CACNA1D: variants seen among roughly 807,000 people sequenced by gnomAD.
CACNA1D encodes the protein voltage-dependent L-type calcium channel subunit alpha-1D.
CACNA1D carries 55 observed loss-of-function variants against 257.1 expected under a neutral mutation model. That is an observed-to-expected ratio of 0.21 (90% CI 0.17 to 0.27). The LOEUF is 0.27. CACNA1D is among the 10% of genes least tolerant of loss of function. CACNA1D has a pLI of 1.00. For missense variants in CACNA1D, 1,876 were observed against 2,784.0 expected (o/e 0.67, Z 7.34); for synonymous variants, 980 against 1,014.9 (o/e 0.97, Z 0.65).
At chr3:53,711,462 T>A (rs1229328726) in intron 9 of CACNA1D, among the ~76,000 whole-genome samples, 1 of 152,224 alleles carries the variant, frequency 6.6e-6, no homozygotes, top group East Asian at 1.9e-4. Flanking sequence ...TGCCTTGCTC[T>A]GCCCAAGTCA....
intron 20 of CACNA1D, among the ~76,000 whole-genome samples, chr3:53,739,873 A>G (rs2095098244): frequency 6.6e-6 from 1 of 152,252 alleles, no homozygotes; most frequent in East Asian, 1.9e-4. Context: ...GCTCAGATGG[A>G]GGGCAACATA....
In CACNA1D at chr3:53,795,774, G is replaced by A. The variant is rs146204553; in HGVS notation, c.4924-4475G>A. Among the ~76,000 whole-genome samples the A allele has an allele frequency of 1.1e-3, 170 of 152,274 alleles. 2 individuals carry two copies. The highest frequency in any genetic ancestry group is 1.7e-3 in the Non-Finnish European group (118 of 68,018). On this transcript the variant is annotated intron_variant, in intron 40 of 47. Transcript: ENST00000350061. ...CCAAGAATCAAGGTGGAACTGAAAC[G>A]GAGAGCTCTCAGATTGTGTGCAGGC...
chr3:53,680,538 G>T (rs2094420231), intron 8 of CACNA1D, among the ~76,000 whole-genome samples: 1 of 152,030 alleles, frequency 6.6e-6, no homozygotes. Flanking sequence ...GGTTGTTGAG[G>T]GTATTAGTGT....
chr3:53,737,036 C>T (rs370083770), intron 20 of CACNA1D, among the ~76,000 whole-genome samples: 3 of 152,094 alleles, frequency 2.0e-5, no homozygotes, highest in East Asian at 1.9e-4. Flanking sequence ...CGTGGTGGCT[C>T]ACCTGTAATC....
intron 3 of CACNA1D, among the ~76,000 whole-genome samples, chr3:53,634,958 G>GACGGAGCCC (rs2093864861): frequency 6.6e-6 from 1 of 152,166 alleles, no homozygotes; most frequent in Admixed American, 6.5e-5. Context: ...GCTCTTCACT[G>GACGGAGCCC]TCTCAAGAAA....
chr3:53,751,174 G>A lies in CACNA1D; in HGVS notation c.3517-575G>A, dbSNP rs1321847496. Among the ~76,000 whole-genome samples, 1 of 152,240 alleles carries A rather than the reference G, an allele frequency of 6.6e-6. No homozygotes were observed. Among genetic ancestry groups the A allele is most frequent in the Non-Finnish European group, 1.5e-5 (1 of 68,048 alleles). ...ATGTGGATAGCTCCCCATAAGATGT[G>A]TATTGTTAACACACTCTGGCTCCTG... On this transcript the variant is annotated intron_variant, in intron 27 of 47. Coordinates refer to ENST00000350061, the MANE Select transcript of CACNA1D (RefSeq NM_001128840.3). The surrounding 1 kb of genome is among the most constrained non-coding windows in gnomAD (Gnocchi z 4.3).
chr3:53,618,643 G>T (rs1261155969), intron 3 of CACNA1D, among the ~76,000 whole-genome samples: 1 of 152,186 alleles, frequency 6.6e-6, no homozygotes, highest in African/African-American at 2.4e-5. Context: ...TCTAGGCATA[G>T]CACTGCACTT....
chr3:53,619,319 GA>G (rs1313757456), intron 3 of CACNA1D, among the ~76,000 whole-genome samples: 1 of 152,190 alleles, frequency 6.6e-6, no homozygotes, highest in Non-Finnish European at 1.5e-5. Context: ...ATTAGTCATG[GA>G]AAAATCCCCA....
intron 12 of CACNA1D, among the ~76,000 whole-genome samples, 190 bp downstream of exon 12, chr3:53,722,664 A>G (rs1231499732): frequency 6.6e-6 from 1 of 152,210 alleles, no homozygotes; most frequent in Non-Finnish European, 1.5e-5. Context: ...GTGGTGAAGC[A>G]CCTTGGAGCC....
chr3:53,757,631 C>T (rs565379163), intron 29 of CACNA1D, among the ~76,000 whole-genome samples: 22 of 152,328 alleles, frequency 1.4e-4, no homozygotes, highest in Admixed American at 4.6e-4. Flanking sequence ...TTTTCTTAGT[C>T]GAATATTCAA....
intron 20 of CACNA1D, among the ~76,000 whole-genome samples, chr3:53,737,684 G>T (rs1027362694): frequency 1.3e-5 from 2 of 152,200 alleles, no homozygotes; most frequent in Non-Finnish European, 2.9e-5. Context: ...TTAGCTGGGT[G>T]TGGTGGTCTG....
intron 3 of CACNA1D, among the ~76,000 whole-genome samples, chr3:53,569,178 C>T (rs2092900746): frequency 6.6e-6 from 1 of 152,182 alleles, no homozygotes; most frequent in Non-Finnish European, 1.5e-5. Context: ...TTTCTATCAG[C>T]ACTCGCTCCC....
intron 7 of CACNA1D, among the ~76,000 whole-genome samples, chr3:53,669,505 T>TA (rs1478555989): frequency 3.9e-5 from 6 of 152,276 alleles, no homozygotes; most frequent in Non-Finnish European, 5.9e-5. Context: ...TTTAGGCACT[T>TA]ACATATGGTG....
chr3:53,806,191 C>G (rs2095565069), intron 45 of CACNA1D, among the ~76,000 whole-genome samples: 1 of 130,862 alleles, frequency 7.6e-6, no homozygotes, highest in East Asian at 2.5e-4. Context: ...CCTCCTCCCT[C>G]CTCCCTCCTC....
rs761981821 is a variant in CACNA1D at position 53,793,639 on chromosome 3, T to C, written c.4924-6610T>C. 3.9e-5 allele frequency among the ~76,000 whole-genome samples: 6 copies of C among 152,170 alleles called. No homozygotes were observed. The highest frequency in any genetic ancestry group is 7.3e-5 in the Non-Finnish European group (5 of 68,030). On this transcript the variant is annotated intron_variant, in intron 40 of 47. Transcript: ENST00000350061. The surrounding 1 kb of genome is among the most constrained non-coding windows in gnomAD (Gnocchi z 4.1). ...TGATTTAAATGGAACAAGAGAGTCT[T>C]CTCCACTTGGGCCTGGCTGTGTTGC...
chr3:53,740,595 TAA>T (rs1280695543), intron 21 of CACNA1D: 1 of 441,278 alleles, frequency 2.3e-6, no homozygotes, highest in Admixed American at 4.4e-5. Flanking sequence ...GTGGTTGAGC[TAA>T]GTTTTTTTTT....
chr3:53,800,290 G>C lies in CACNA1D; in HGVS notation c.4965G>C (p.Arg1655=). The C allele has an allele frequency of 6.2e-7, 1 of 1,614,178 alleles. No homozygotes were observed. The highest frequency in any genetic ancestry group is 8.5e-7 in the Non-Finnish European group (1 of 1,179,990). Residue 1655 remains arginine (R), a synonymous_variant, in exon 41 of 48, where the codon CGG becomes CGC. Transcript: ENST00000350061. This position sits in a 1 kb window ranked among gnomAD's most constrained non-coding sequence, Gnocchi z 4.3. ...RTLHDIGPEI[R]RAISCDLQDD... is the part of the protein sequence containing the mutation. ...TGCATGACATTGGGCCAGAAATCCG[G>C]CGTGCTATATCGTGTGATTTGCAAG... is the stretch of plus-strand genomic sequence containing the variant.
chr3:53,689,372 G>A (rs533992214), intron 8 of CACNA1D, among the ~76,000 whole-genome samples: 15 of 151,532 alleles, frequency 9.9e-5, no homozygotes, highest in Non-Finnish European at 7.4e-5. Flanking sequence ...TTTAAGCTGC[G>A]GGAGCTGTCA....
chr3:53,641,078 G>C (rs1406764229), intron 3 of CACNA1D, among the ~76,000 whole-genome samples: 2 of 152,210 alleles, frequency 1.3e-5, no homozygotes, highest in East Asian at 1.9e-4. Context: ...TGAGTATGCA[G>C]ATATGTGGGA....
Sources: allele counts gnomAD v4.1 joint callset (sites outside exome capture counted in the v4.1 genomes callset), GRCh38; gene constraint gnomAD v4.1.1; non-coding constraint Gnocchi (gnomAD v3.1); transcripts MANE v1.5; gene names NCBI Gene and HGNC (gene_info 2026-07-23, HGNC 2026-07-21).